The following PRR16 variants were observed in gnomAD, a reference collection of about 807,000 sequenced individuals.
PRR16 encodes proline rich 16.
Under a neutral mutation model 18.2 loss-of-function variants are expected in PRR16, and 6 were observed. The ratio of observed to expected loss-of-function variants is 0.33; its 90% CI spans 0.18 to 0.65. The LOEUF (loss-of-function observed/expected upper bound fraction) is 0.65, where lower values mean the gene tolerates loss of function less well. Among genes scored for constraint, PRR16 ranks in the 30% least tolerant of loss-of-function variants. The pLI is 0.74. For missense variants in PRR16, 412 were observed against 376.6 expected (o/e 1.09, Z -0.78); for synonymous variants, 151 against 147.8 (o/e 1.02, Z -0.16).
chr5:120,518,264 CTATT>C (rs1215393341), intron 1 of PRR16, among the ~76,000 whole-genome samples: 2 of 152,226 alleles, frequency 1.3e-5, no homozygotes, highest in Non-Finnish European at 2.9e-5. Flanking sequence ...TTGCAGGTAT[CTATT>C]CACTTCCTGG....
intron 1 of PRR16, among the ~76,000 whole-genome samples, chr5:120,567,808 A>T (rs921723909): frequency 2.0e-5 from 3 of 152,148 alleles, no homozygotes; most frequent in Admixed American, 6.5e-5. Flanking sequence ...AGCCTGTGGA[A>T]CTGTGAGTCA....
intron 1 of PRR16, among the ~76,000 whole-genome samples, chr5:120,675,181 G>A (rs1002758624): frequency 3.9e-5 from 6 of 152,146 alleles, no homozygotes; most frequent in African/African-American, 1.4e-4. Flanking sequence ...CACATATGGA[G>A]CAAGAGCAAA....
chr5:120,727,902 TAC>T, the PRR16 span, among the ~76,000 whole-genome samples: 2 of 152,020 alleles, frequency 1.3e-5, no homozygotes, highest in South Asian at 2.1e-4. Context: ...TGAACATTCT[TAC>T]AGATTAGACA....
At position 120,480,903 on chromosome 5, in the gene PRR16, A is replaced by G. The variant is rs149389466; in HGVS notation, c.159+16258A>G. Among the ~76,000 whole-genome samples the G allele has an allele frequency of 4.4e-3, 676 of 152,290 alleles. 9 individuals are homozygous for G. The highest frequency in any genetic ancestry group is 0.016 in the African/African-American group (657 of 41,582). The stretch of plus-strand genomic sequence containing the variant: ...TTTTATTAAGAAACTTTGATTTCCT[A>G]TGCAATTATAATATTAAATATTCTT... On this transcript the variant is annotated intron_variant, in intron 1 of 1. Coordinates refer to ENST00000407149, the MANE Select transcript of PRR16 (RefSeq NM_001300783.2).
chr5:120,651,551 A>G lies in PRR16; in HGVS notation c.160-34403A>G, dbSNP rs1287853112. 5.3e-5 allele frequency among the ~76,000 whole-genome samples: 8 copies of G among 152,328 alleles called. No individual in the cohort carries two copies. In the East Asian group the frequency reaches 1.5e-3, roughly 29 times the overall value. ...CAGTTTCAGCTTTCTGCATATGGCT[A>G]GCCAGTTTTCCCAGCACCATTTATT... On this transcript the variant is annotated intron_variant, in intron 1 of 1. Coordinates refer to ENST00000407149, the MANE Select transcript of PRR16 (RefSeq NM_001300783.2).
intron 1 of PRR16, among the ~76,000 whole-genome samples, chr5:120,669,701 CA>C (rs1378541399): frequency 2.0e-5 from 3 of 151,968 alleles, no homozygotes; most frequent in Non-Finnish European, 2.9e-5. Context: ...TTAAACGTCA[CA>C]ATTGTTTCAC....
chr5:120,632,296 CT>C (rs753059109), intron 1 of PRR16, among the ~76,000 whole-genome samples: 4 of 152,056 alleles, frequency 2.6e-5, no homozygotes, highest in African/African-American at 4.8e-5. Flanking sequence ...AAAAATAATT[CT>C]GGTAATATGG....
At chr5:120,544,343 C>A (rs762482125) in intron 1 of PRR16, among the ~76,000 whole-genome samples, 1 of 152,114 alleles carries the variant, frequency 6.6e-6, no homozygotes, top group Non-Finnish European at 1.5e-5. Flanking sequence ...TAAAGAAATT[C>A]ACTCTGTGGA....
rs148056669 is a variant in PRR16 at position 120,490,291 on chromosome 5, A to G, written c.159+25646A>G. ...CTCCCCGTCACTTTCATGTACCGCA[A>G]TCGGATGTAGATTTGGTCGTTTCAG... On this transcript the variant is annotated intron_variant, in intron 1 of 1. Transcript: ENST00000407149. 1.1e-3 allele frequency among the ~76,000 whole-genome samples: 170 copies of G among 152,218 alleles called. 2 individuals are homozygous for G. In the East Asian group the frequency reaches 0.026, roughly 23 times the overall value.
the PRR16 span, among the ~76,000 whole-genome samples, chr5:120,721,052 T>G: frequency 6.6e-6 from 1 of 152,092 alleles, no homozygotes; most frequent in African/African-American, 2.4e-5. Flanking sequence ...TGGAAACTTT[T>G]AAACATCATA....
chr5:120,684,703 A>G (rs1231135585), intron 1 of PRR16, among the ~76,000 whole-genome samples: 1 of 152,184 alleles, frequency 6.6e-6, no homozygotes, highest in Non-Finnish European at 1.5e-5. Flanking sequence ...AGCAGTGACC[A>G]CACTGCTGCT....
chr5:120,586,171 C>CA (rs34272640), intron 1 of PRR16, among the ~76,000 whole-genome samples: 52,550 of 140,414 alleles, frequency 0.37, 9,697 homozygotes, highest in Middle Eastern at 0.52. Context: ...GACTCCATCT[C>CA]AAAAAAAAAA....
chr5:120,737,217 C>G, the PRR16 span, among the ~76,000 whole-genome samples: 2 of 149,512 alleles, frequency 1.3e-5, no homozygotes, highest in African/African-American at 4.9e-5. Flanking sequence ...AACTTTCAGT[C>G]TTTCGCCATT....
intron 1 of PRR16, among the ~76,000 whole-genome samples, chr5:120,562,284 A>G (rs1476827211): frequency 6.6e-6 from 1 of 152,076 alleles, no homozygotes; most frequent in African/African-American, 2.4e-5. Context: ...TTTTTCTGAT[A>G]TAAGTATAAC....
At chr5:120,767,316 G>A in the PRR16 span, among the ~76,000 whole-genome samples, 1 of 151,896 alleles carries the variant, frequency 6.6e-6, no homozygotes, top group African/African-American at 2.4e-5. Context: ...CACCATAGAA[G>A]TAGGCAATAT....
the PRR16 span, among the ~76,000 whole-genome samples, chr5:120,776,017 A>G: frequency 2.0e-5 from 3 of 152,004 alleles, no homozygotes; most frequent in East Asian, 1.9e-4. Context: ...TACTGTCTAC[A>G]TGGTAACATC....
the PRR16 span, among the ~76,000 whole-genome samples, chr5:120,728,265 AAGAC>A: frequency 1.3e-5 from 2 of 152,106 alleles, no homozygotes; most frequent in Middle Eastern, 6.8e-3. Context: ...TATAAGCATT[AAGAC>A]ATACTACAAT....
At chr5:120,753,072 C>G in the PRR16 span, among the ~76,000 whole-genome samples, 11 of 151,870 alleles carry the variant, frequency 7.2e-5, no homozygotes, top group African/African-American at 2.7e-4. Flanking sequence ...AATGATATGA[C>G]TTTGGTTTTG....
intron 1 of PRR16, chr5:120,465,679 T>C (rs937037074): frequency 6.6e-6 from 1 of 150,940 alleles, no homozygotes; most frequent in African/African-American, 2.4e-5. Context: ...AGCGCGCCGC[T>C]CACTACTGAA....
Sources: allele counts gnomAD v4.1 joint callset (sites outside exome capture counted in the v4.1 genomes callset), GRCh38; gene constraint gnomAD v4.1.1; transcripts MANE v1.5; gene names NCBI Gene and HGNC (gene_info 2026-07-23, HGNC 2026-07-21).